Variants in SGCG observed in about 807,000 individuals in gnomAD.
SGCG encodes gamma-sarcoglycan.
Under a neutral mutation model 29.3 loss-of-function variants are expected in SGCG, and 26 were observed. That is an observed-to-expected ratio of 0.89 (90% confidence interval 0.65 to 1.23). The LOEUF is 1.23. SGCG is among the 50% of genes most tolerant of loss of function. SGCG has a pLI of 0.00. For missense variants in SGCG, 353 were observed against 356.0 expected (o/e 0.99, Z 0.07); for synonymous variants, 145 against 129.7 (o/e 1.12, Z -0.80).
At chr13:23,289,204 C>T (rs1388544432) in intron 5 of SGCG, among the ~76,000 whole-genome samples, 3 of 152,142 alleles carry the variant, frequency 2.0e-5, no homozygotes, top group Admixed American at 6.5e-5. Flanking sequence ...CAGCACTGCA[C>T]GCAGCGATCA....
chr13:23,252,803 GATATA>G (rs898870261), intron 4 of SGCG, among the ~76,000 whole-genome samples: 3 of 152,114 alleles, frequency 2.0e-5, no homozygotes, highest in Admixed American at 6.5e-5. Context: ...AGGGAATTTA[GATATA>G]ATATAAACCT....
chr13:23,278,357 C>A (rs1464766899), intron 4 of SGCG, among the ~76,000 whole-genome samples: 2 of 151,358 alleles, frequency 1.3e-5, no homozygotes, highest in African/African-American at 2.4e-5. Flanking sequence ...GCAGGGGAAT[C>A]ACTTGAACTT....
At chr13:23,233,558 A>C (rs903162507) in intron 2 of SGCG, among the ~76,000 whole-genome samples, 1 of 152,174 alleles carries the variant, frequency 6.6e-6, no homozygotes, top group African/African-American at 2.4e-5. Flanking sequence ...TAATGGGTAT[A>C]GTGTTTAATT....
chr13:23,261,240 C>G (rs1880424769), intron 4 of SGCG, among the ~76,000 whole-genome samples: 2 of 150,154 alleles, frequency 1.3e-5, no homozygotes, highest in African/African-American at 4.9e-5. Flanking sequence ...TCTTTTTATT[C>G]TGAAAAATTT....
At chr13:23,303,503 C>T (rs1233384673) in intron 6 of SGCG, among the ~76,000 whole-genome samples, 3 of 152,328 alleles carry the variant, frequency 2.0e-5, no homozygotes, top group East Asian at 1.9e-4. Context: ...AGTCAGTGCA[C>T]GGGAACCTCT....
chr13:23,160,525 C>T, the SGCG span, among the ~76,000 whole-genome samples: 2 of 152,144 alleles, frequency 1.3e-5, no homozygotes, highest in Non-Finnish European at 2.9e-5. Context: ...TCGCTGCGGT[C>T]GCTGAGGAAG....
At chr13:23,319,988 A>G (rs1270102324) in intron 6 of SGCG, among the ~76,000 whole-genome samples, 4 of 152,228 alleles carry the variant, frequency 2.6e-5, no homozygotes, top group African/African-American at 9.6e-5. Flanking sequence ...TTTCGGTTCT[A>G]TCAGTTTAGT....
chr13:23,319,924 GA>G (rs1882970819), intron 6 of SGCG, among the ~76,000 whole-genome samples: 1 of 152,120 alleles, frequency 6.6e-6, no homozygotes, highest in South Asian at 2.1e-4. Flanking sequence ...TAACCACAAG[GA>G]AAGTCTGATA....
intron 4 of SGCG, among the ~76,000 whole-genome samples, chr13:23,276,431 C>CTGTTTTT (rs757275974): frequency 9.8e-6 from 1 of 102,338 alleles, no homozygotes; most frequent in Admixed American, 1.3e-4. Context: ...TTTTAGTTTT[C>CTGTTTTT]TTTTTTTTTT....
At chr13:23,323,614 G>A (rs1172994084) in intron 7 of SGCG, among the ~76,000 whole-genome samples, 15 of 152,146 alleles carry the variant, frequency 9.9e-5, no homozygotes, top group African/African-American at 3.4e-4. Flanking sequence ...CTCAATCTAC[G>A]GCTCTTTGTT....
At chr13:23,224,617 T>C (rs1311664418) in intron 2 of SGCG, among the ~76,000 whole-genome samples, 1 of 150,992 alleles carries the variant, frequency 6.6e-6, no homozygotes, top group East Asian at 1.9e-4. Flanking sequence ...TGCATCAGAA[T>C]GGAAATCTCC....
rs1880174265 is a variant in SGCG at position 23,256,318 on chromosome 13, T to C, written c.385+5601T>C. Among the ~76,000 whole-genome samples, 4 of 152,134 alleles carry C rather than the reference T, an allele frequency of 2.6e-5. No homozygotes were observed. In the South Asian group the frequency reaches 8.3e-4, roughly 32 times the overall value. On this transcript the variant is annotated intron_variant, in intron 4 of 7. Transcript: ENST00000218867. ...AATCTTTGAAATACCAGATAAATAATTCAAAGTGTTTATTATTAAGTTACT... is the reference window on the plus strand; with the variant it reads ...AATCTTTGAAATACCAGATAAATAACTCAAAGTGTTTATTATTAAGTTACT...
intron 4 of SGCG, among the ~76,000 whole-genome samples, chr13:23,261,602 A>G (rs1298295636): frequency 6.6e-6 from 1 of 152,108 alleles, no homozygotes; most frequent in Non-Finnish European, 1.5e-5. Context: ...TAATTTAGGA[A>G]AACTTTCCTG....
intron 2 of SGCG, among the ~76,000 whole-genome samples, chr13:23,208,845 C>T (rs1878080919): frequency 6.6e-6 from 1 of 152,036 alleles, no homozygotes; most frequent in Non-Finnish European, 1.5e-5. Flanking sequence ...TATAAAAATA[C>T]TATGCAATAT....
rs184271228 is a variant in SGCG at position 23,306,337 on chromosome 13, C to T, written c.578+10850C>T. ...ATGGGCCTGATGAAATTTTTAAAGA[C>T]AGTGTTTTAATATTAATAGTGTATT... On this transcript the variant is annotated intron_variant, in intron 6 of 7. Coordinates refer to ENST00000218867, the MANE Select transcript of SGCG (RefSeq NM_000231.3). 4.0e-3 allele frequency among the ~76,000 whole-genome samples: 611 copies of T among 152,214 alleles called. 1 individual carries two copies. Among genetic ancestry groups the T allele is most frequent in the Non-Finnish European group, 7.3e-3 (497 of 68,004 alleles).
chr13:23,244,887 G>C (rs1386284900), intron 3 of SGCG: 2 of 152,254 alleles, frequency 1.3e-5, no homozygotes, highest in East Asian at 1.9e-4. Context: ...TCCAGCTCTG[G>C]GGCCCATCAG....
At chr13:23,214,274 A>G (rs1409196639) in intron 2 of SGCG, among the ~76,000 whole-genome samples, 1 of 152,186 alleles carries the variant, frequency 6.6e-6, no homozygotes, top group Non-Finnish European at 1.5e-5. Flanking sequence ...TTAGTTGATC[A>G]GAGAGATTAA....
intron 6 of SGCG, among the ~76,000 whole-genome samples, chr13:23,315,017 G>A (rs55868923): frequency 0.19 from 28,942 of 152,124 alleles, 3,342 homozygotes; most frequent in Non-Finnish European, 0.25. Flanking sequence ...CTGCTCTGCC[G>A]CTTGGGCCAT....
chr13:23,299,407 C>CATGTATGTATATATATATAT (rs1161342960), intron 6 of SGCG, among the ~76,000 whole-genome samples: 2 of 23,924 alleles, frequency 8.4e-5, no homozygotes, highest in African/African-American at 1.7e-4. Context: ...TCTTAGTTGG[C>CATGTATGTATATATATATAT]ATATATATAT....
Sources: gnomAD v4.1 joint callset for allele counts (sites outside exome capture counted in the v4.1 genomes callset) on GRCh38, gnomAD v4.1.1 for gene constraint, MANE v1.5 for transcripts, NCBI Gene and HGNC (gene_info 2026-07-23, HGNC 2026-07-21) for gene names.